Variants in NCKAP5 observed in about 807,000 individuals in gnomAD.
The protein encoded by NCKAP5 is NCK associated protein 5, also known as nck-associated protein 5.
In NCKAP5, 92 loss-of-function variants were observed where a neutral mutation model predicts 167.0. That is an observed-to-expected ratio of 0.55 (90% CI 0.47 to 0.66). The LOEUF (loss-of-function observed/expected upper bound fraction) is 0.66, where lower values mean the gene tolerates loss of function less well. NCKAP5 is among the 30% of genes least tolerant of loss of function. The pLI, the probability that NCKAP5 is intolerant of heterozygous loss-of-function variation, is 0.00. For missense variants in NCKAP5, 2,378 were observed against 2,315.0 expected, an observed-to-expected ratio of 1.03 and a Z score of -0.56; for synonymous variants, 891 against 877.4, an observed-to-expected ratio of 1.02 and a Z score of -0.27.
At chr2:133,013,445 C>T (rs754958434) in intron 6 of NCKAP5, among the ~76,000 whole-genome samples, 35 of 152,164 alleles carry the variant, frequency 2.3e-4, no homozygotes, top group Non-Finnish European at 4.3e-4. Flanking sequence ...GTGAAAGGCA[C>T]GTTTCACATG....
intron 6 of NCKAP5, among the ~76,000 whole-genome samples, chr2:133,066,008 A>G (rs2080182184): frequency 6.6e-6 from 1 of 152,226 alleles, no homozygotes; most frequent in Non-Finnish European, 1.5e-5. Flanking sequence ...AGCAAAATCT[A>G]AGGAAGGAGT....
intron 11 of NCKAP5, among the ~76,000 whole-genome samples, chr2:132,819,075 C>A (rs1686508212): frequency 6.6e-6 from 1 of 152,090 alleles, no homozygotes; most frequent in Non-Finnish European, 1.5e-5. Flanking sequence ...TGAGAAAGAA[C>A]CATAGGCTTC....
intron 4 of NCKAP5, among the ~76,000 whole-genome samples, chr2:133,236,782 G>A (rs2087441742): frequency 6.6e-6 from 1 of 152,178 alleles, no homozygotes; most frequent in East Asian, 1.9e-4. Flanking sequence ...TAAAATGGAA[G>A]TTCAAGCTTG....
At chr2:133,159,663 G>T (rs1559206728) in intron 5 of NCKAP5, among the ~76,000 whole-genome samples, 1 of 152,204 alleles carries the variant, frequency 6.6e-6, no homozygotes, top group Non-Finnish European at 1.5e-5. Flanking sequence ...GGAGAGAAAA[G>T]TCAATGAGGC....
intron 19 of NCKAP5, among the ~76,000 whole-genome samples, chr2:132,714,337 C>T (rs1689151716): frequency 6.6e-6 from 1 of 152,160 alleles, no homozygotes; most frequent in South Asian, 2.1e-4. Flanking sequence ...CCTTCAATTC[C>T]AGAAATTGTT....
chr2:133,502,349 C>T (rs747144516), intron 3 of NCKAP5, among the ~76,000 whole-genome samples: 5 of 152,132 alleles, frequency 3.3e-5, no homozygotes, highest in African/African-American at 9.7e-5. Context: ...TACCTCCACA[C>T]GAATGGTGGC....
At chr2:133,439,515 G>C (rs926612904) in intron 3 of NCKAP5, among the ~76,000 whole-genome samples, 1 of 152,194 alleles carries the variant, frequency 6.6e-6, no homozygotes, top group Non-Finnish European at 1.5e-5. Context: ...TGAGCAGGCT[G>C]GGCCATTGTT....
the NCKAP5 span, among the ~76,000 whole-genome samples, chr2:133,671,850 A>G: frequency 6.6e-6 from 1 of 152,184 alleles, no homozygotes; most frequent in Non-Finnish European, 1.5e-5. Flanking sequence ...TGCCCTGTGC[A>G]TTACTCTCAG....
chr2:133,093,974 C>A (rs1237467180), intron 6 of NCKAP5, among the ~76,000 whole-genome samples: 1 of 152,184 alleles, frequency 6.6e-6, no homozygotes, highest in Non-Finnish European at 1.5e-5. Flanking sequence ...TTGCCCTTTA[C>A]TTGCTAGATA....
At chr2:132,753,891 C>G (rs1041058313) in intron 16 of NCKAP5, among the ~76,000 whole-genome samples, 2 of 152,082 alleles carry the variant, frequency 1.3e-5, no homozygotes, top group East Asian at 3.9e-4. Flanking sequence ...TCTCTTTGCC[C>G]AAAGGTAACA....
At chr2:133,368,840 T>G (rs1483351122) in intron 3 of NCKAP5, among the ~76,000 whole-genome samples, 1 of 152,206 alleles carries the variant, frequency 6.6e-6, no homozygotes, top group African/African-American at 2.4e-5. Flanking sequence ...AGTATAACAT[T>G]GCATGACACG....
intron 5 of NCKAP5, among the ~76,000 whole-genome samples, chr2:133,171,905 C>T (rs2084264729): frequency 6.6e-6 from 1 of 152,184 alleles, no homozygotes; most frequent in African/African-American, 2.4e-5. Flanking sequence ...ACTAATGCTG[C>T]TTTGGAAAAC....
intron 3 of NCKAP5, among the ~76,000 whole-genome samples, chr2:133,331,850 C>T (rs2150727746): frequency 6.6e-6 from 1 of 152,334 alleles, no homozygotes; most frequent in South Asian, 2.1e-4. Flanking sequence ...AGCATCTTGC[C>T]TTTATCTTCC....
intron 8 of NCKAP5, among the ~76,000 whole-genome samples, chr2:132,962,521 AATGTGGTAG>A (rs2076544683): frequency 6.6e-6 from 1 of 152,212 alleles, no homozygotes; most frequent in African/African-American, 2.4e-5. Flanking sequence ...CATTATAGAC[AATGTGGTAG>A]ATCTGAGGTA....
At chr2:132,935,484 A>G (rs1696769282) in intron 8 of NCKAP5, among the ~76,000 whole-genome samples, 2 of 152,182 alleles carry the variant, frequency 1.3e-5, no homozygotes, top group African/African-American at 4.8e-5. Flanking sequence ...AGACAGGTGA[A>G]TGGTAGGTAT....
intron 4 of NCKAP5, among the ~76,000 whole-genome samples, chr2:133,246,488 A>T (rs2087999424): frequency 6.6e-6 from 1 of 152,176 alleles, no homozygotes; most frequent in Admixed American, 6.5e-5. Flanking sequence ...ACAGATCCTT[A>T]GCAAGAATGT....
chr2:133,274,000 C>G lies in NCKAP5; in HGVS notation c.143+29037G>C, dbSNP rs1029259199. Reference sequence around the variant, plus strand: ...AAAAAAAAAAAAAAAATCTATAACACGCCTTATATTAAATAGTTAAGTTAA... The same window carrying G: ...AAAAAAAAAAAAAAAATCTATAACAGGCCTTATATTAAATAGTTAAGTTAA... On this transcript the variant is annotated intron_variant, in intron 4 of 19. Coordinates refer to ENST00000409261, the MANE Select transcript of NCKAP5 (RefSeq NM_207363.3). 5.3e-5 allele frequency among the ~76,000 whole-genome samples: 8 copies of G among 149,690 alleles called. No individual in the cohort carries two copies. In the South Asian group the frequency reaches 1.1e-3, roughly 20 times the overall value.
the NCKAP5 span, among the ~76,000 whole-genome samples, chr2:133,616,998 A>C: frequency 6.6e-6 from 1 of 152,224 alleles, no homozygotes; most frequent in South Asian, 2.1e-4. Flanking sequence ...CTGGTTCAAT[A>C]TACGGAAATC....
chr2:133,637,497 A>AAAAC, the NCKAP5 span, among the ~76,000 whole-genome samples: 1 of 146,356 alleles, frequency 6.8e-6, no homozygotes. Context: ...AAAAAAAAAA[A>AAAAC]AAACCCAAGA....
Sources: gnomAD v4.1 joint callset for allele counts (sites outside exome capture counted in the v4.1 genomes callset) on GRCh38, gnomAD v4.1.1 for gene constraint, MANE v1.5 for transcripts, NCBI Gene and HGNC (gene_info 2026-07-23, HGNC 2026-07-21) for gene names.